The following ACSBG1 variants were observed in gnomAD, a reference collection of about 807,000 sequenced individuals.
ACSBG1 encodes acyl-CoA synthetase bubblegum family member 1, also known as long-chain-fatty-acid--CoA ligase ACSBG1.
Under a neutral mutation model 80.2 loss-of-function variants are expected in ACSBG1, and 39 were observed. The ratio of observed to expected loss-of-function variants is 0.49; its 90% CI spans 0.38 to 0.64. ACSBG1 has a LOEUF of 0.64. Among genes scored for constraint, ACSBG1 ranks in the 30% least tolerant of loss-of-function variants. ACSBG1 has a pLI of 0.00. For synonymous variants in ACSBG1, 392 were observed against 379.5 expected, an observed-to-expected ratio of 1.03 and a Z score of -0.38; for missense variants, 828 against 966.4, an observed-to-expected ratio of 0.86 and a Z score of 1.90.
chr15:78,217,352 T>C (rs1305497154), intron 1 of ACSBG1, among the ~76,000 whole-genome samples: 1 of 152,112 alleles, frequency 6.6e-6, no homozygotes, highest in Admixed American at 6.6e-5. Context: ...ATTGACAAGG[T>C]CCTTTGGTTA....
intron 11 of ACSBG1, among the ~76,000 whole-genome samples, chr15:78,175,034 CTAA>C (rs2074869152): frequency 6.6e-6 from 1 of 152,356 alleles, no homozygotes; most frequent in African/African-American, 2.4e-5. Flanking sequence ...AGCTCACATG[CTAA>C]TAAGTGGCAG....
Position 78,186,969 on chromosome 15 carries a change from C to T in ACSBG1, c.664-4184G>A, listed in dbSNP as rs1161650025. Among the ~76,000 whole-genome samples, 4 of 152,174 alleles carry T rather than the reference C, an allele frequency of 2.6e-5. No homozygotes were observed. In the East Asian group the frequency reaches 5.8e-4, roughly 22 times the overall value. ...AAAAGAGAGAAGAATCAAATAGACA[C>T]AATAAAAAATGATAAAGGGGATATC... On this transcript the variant is annotated intron_variant, in intron 5 of 13. Transcript: ENST00000258873.
At chr15:78,183,636 C>T (rs777117126) in intron 5 of ACSBG1, among the ~76,000 whole-genome samples, 36 of 152,050 alleles carry the variant, frequency 2.4e-4, no homozygotes, top group Admixed American at 3.9e-4. Flanking sequence ...ATAGGAAGAG[C>T]GGGAATAAAG....
Position 78,168,558 on chromosome 15 carries a change from C to G in ACSBG1, c.*2886G>C, listed in dbSNP as rs1437312948. ...CAGGTCTATTCCTGAGACATATTTCCCAAGGATTTTTATGAAACTTCTTAT... is the reference window on the plus strand; with the variant it reads ...CAGGTCTATTCCTGAGACATATTTCGCAAGGATTTTTATGAAACTTCTTAT... On this transcript the variant is annotated 3_prime_UTR_variant, in exon 14 of 14. Transcript: ENST00000258873. The G allele has an allele frequency of 1.9e-5, 3 of 159,804 alleles. No individual in the cohort carries two copies. The highest frequency in any genetic ancestry group is 2.7e-5 in the Non-Finnish European group (2 of 73,434). 9.9% of individuals were successfully genotyped at this position (159,804 alleles called of 1,614,324 possible). A position where few individuals can be genotyped will look rare whatever the true frequency, so the allele number is the denominator to read the frequency against.
chr15:78,182,003 GC>G lies in ACSBG1; in HGVS notation c.1036del (p.Ala346ProfsTer11). 2.5e-6 allele frequency: 4 copies of G among 1,614,078 alleles called. No individual in the cohort carries two copies. Among genetic ancestry groups the G allele is most frequent in the South Asian group, 2.2e-5 (2 of 91,082 alleles). On this transcript the variant is annotated frameshift_variant, in exon 8 of 14. Coordinates refer to ENST00000258873, the MANE Select transcript of ACSBG1 (RefSeq NM_015162.5). LOFTEE classifies it high-confidence loss of function. ...GTCGGGTTCGGCAAAGCAAACCTGGGCCCCCCACTGGATGCCTGTCCACAGG... is the reference window on the plus strand; with the variant it reads ...GTCGGGTTCGGCAAAGCAAACCTGGGCCCCCACTGGATGCCTGTCCACAGG... ...YDLWTGIQWG[A>X]QVCFAEPDAL... is the part of the protein sequence containing the mutation.
chr15:78,215,774 GAAA>G (rs2075306683), intron 1 of ACSBG1, among the ~76,000 whole-genome samples: 1 of 146,504 alleles, frequency 6.8e-6, no homozygotes, highest in Non-Finnish European at 1.5e-5. Context: ...AAGAAAGAAA[GAAA>G]GAAAGAAAGA....
chr15:78,185,380 C>G (rs1217975368), intron 5 of ACSBG1, among the ~76,000 whole-genome samples: 2 of 152,092 alleles, frequency 1.3e-5, no homozygotes, highest in Non-Finnish European at 2.9e-5. Flanking sequence ...AGGCATTAAG[C>G]AGAGCCCAGA....
chr15:78,224,944 T>C (rs2075388083), intron 1 of ACSBG1, among the ~76,000 whole-genome samples: 1 of 152,032 alleles, frequency 6.6e-6, no homozygotes. Flanking sequence ...TAAAACTTTT[T>C]ATTAATAGCT....
At chr15:78,204,441 C>T (rs1476519027) in intron 2 of ACSBG1, among the ~76,000 whole-genome samples, 1 of 152,174 alleles carries the variant, frequency 6.6e-6, no homozygotes, top group Non-Finnish European at 1.5e-5. Context: ...AGCCAGAAGC[C>T]CTGGGCTGGC....
chr15:78,232,681 TTTC>T (rs889315080), intron 1 of ACSBG1, among the ~76,000 whole-genome samples: 7 of 151,860 alleles, frequency 4.6e-5, no homozygotes, highest in African/African-American at 9.7e-5. Flanking sequence ...TTTATTTCTT[TTTC>T]TTCTTTTTTT....
intron 13 of ACSBG1, 49 bp downstream of exon 13, chr15:78,173,544 C>T (rs1220983205): frequency 1.9e-6 from 3 of 1,597,938 alleles, no homozygotes; most frequent in Non-Finnish European, 2.6e-6. Flanking sequence ...ACTGCCATGG[C>T]CTCTGCCTTC....
intron 1 of ACSBG1, among the ~76,000 whole-genome samples, chr15:78,226,076 CA>C (rs1194017453): frequency 6.6e-6 from 1 of 152,174 alleles, no homozygotes; most frequent in Non-Finnish European, 1.5e-5. Flanking sequence ...AGAGAGCAAT[CA>C]AAATGAAAGA....
rs1481039457 is a variant in ACSBG1 at position 78,169,078 on chromosome 15, G to A, written c.*2366C>T. ...ATGAACCTCTGTTTAGAATACCTAC[G>A]TATGTATGCATTGGTTTGCTTGTTT... On this transcript the variant is annotated 3_prime_UTR_variant, in exon 14 of 14. Coordinates refer to ENST00000258873, the MANE Select transcript of ACSBG1 (RefSeq NM_015162.5). 33 of 862,338 alleles carry A rather than the reference G, an allele frequency of 3.8e-5. No individual in the cohort carries two copies. The highest frequency in any genetic ancestry group is 5.6e-5 in the Non-Finnish European group (30 of 536,940). The allele number at this position is 862,338 out of a possible 1,614,324, so 53.4% of individuals were successfully genotyped here.
At chr15:78,184,027 A>G (rs2074975691) in intron 5 of ACSBG1, among the ~76,000 whole-genome samples, 1 of 152,230 alleles carries the variant, frequency 6.6e-6, no homozygotes, top group African/African-American at 2.4e-5. Flanking sequence ...ATTAGACTAC[A>G]TACTAAGTTA....
At chr15:78,230,921 A>C (rs1233992021) in intron 1 of ACSBG1, among the ~76,000 whole-genome samples, 1 of 152,168 alleles carries the variant, frequency 6.6e-6, no homozygotes, top group Non-Finnish European at 1.5e-5. Context: ...AGGAGCAGAG[A>C]AGCAGAAAGG....
chr15:78,179,449 G>T, intron 10 of ACSBG1, 101 bp downstream of exon 10: 1 of 1,107,546 alleles, frequency 9.0e-7, no homozygotes, highest in Non-Finnish European at 1.3e-6. Context: ...GACCCAACTG[G>T]CATGCAAAGA....
At chr15:78,197,883 G>A (rs1157460265) in intron 2 of ACSBG1, among the ~76,000 whole-genome samples, 2 of 151,978 alleles carry the variant, frequency 1.3e-5, no homozygotes, top group Non-Finnish European at 2.9e-5. Flanking sequence ...CCTACGCCTG[G>A]ACTACAGAAA....
chr15:78,231,420 T>C (rs1414217027), intron 1 of ACSBG1, among the ~76,000 whole-genome samples: 2 of 151,990 alleles, frequency 1.3e-5, no homozygotes, highest in Non-Finnish European at 2.9e-5. Context: ...TGTGAGCCAC[T>C]GTGCTCAGCT....
In ACSBG1 at chr15:78,169,169, G is replaced by A. The variant is rs896782567; in HGVS notation, c.*2275C>T. ...ATCTGTGCAAAAGATGCAGGTGGAT[G>A]TCCCTAGGTCTGTTTTCAAAGAACT... On this transcript the variant is annotated 3_prime_UTR_variant, in exon 14 of 14. Transcript: ENST00000258873. 9.3e-6 allele frequency: 4 copies of A among 429,262 alleles called. No homozygotes were observed. The highest frequency in any genetic ancestry group is 8.0e-5 in the African/African-American group (4 of 49,712). The allele number at this position is 429,262 out of a possible 1,614,324, so 26.6% of individuals were successfully genotyped here. A position where few individuals can be genotyped will look rare whatever the true frequency, so the allele number is the denominator to read the frequency against.
Sources: gnomAD v4.1 joint callset for allele counts (sites outside exome capture counted in the v4.1 genomes callset) on GRCh38, gnomAD v4.1.1 for gene constraint, MANE v1.5 for transcripts, NCBI Gene and HGNC (gene_info 2026-07-23, HGNC 2026-07-21) for gene names.